Variants in F13A1 observed in about 807,000 individuals in gnomAD.
F13A1 encodes coagulation factor XIII A chain.
Under a neutral mutation model 80.1 loss-of-function variants are expected in F13A1, and 47 were observed. The ratio of observed to expected loss-of-function variants is 0.59; its 90% confidence interval spans 0.46 to 0.75. The LOEUF is 0.75. Ranked by LOEUF, F13A1 falls within the 30% of genes least tolerant of loss-of-function variation. F13A1 has a pLI of 0.00. For synonymous variants in F13A1, 349 were observed against 344.9 expected (o/e 1.01, Z -0.13); for missense variants, 817 against 930.4 (o/e 0.88, Z 1.59).
At chr6:6,182,163 A>C (rs1349429537) in intron 10 of F13A1, 22 bp from the exon 11 acceptor site, 3 of 1,613,364 alleles carry the variant, frequency 1.9e-6, no homozygotes, top group Non-Finnish European at 2.5e-6. Flanking sequence ...AGAGGAGAGC[A>C]TTAGCCATCA....
intron 9 of F13A1, among the ~76,000 whole-genome samples, chr6:6,196,803 G>T (rs946102371): frequency 2.0e-4 from 30 of 152,120 alleles, no homozygotes; most frequent in African/African-American, 6.5e-4. Context: ...AGGAGGCCAG[G>T]TTCTGGAAAA....
At position 6,308,461 on chromosome 6, in the gene F13A1, T is replaced by TAAAA. The variant is rs35426137; in HGVS notation, c.131-2926_131-2923dup. Among the ~76,000 whole-genome samples the TAAAA allele has an allele frequency of 3.1e-3, 442 of 143,764 alleles. 2 individuals carry two copies. The highest frequency in any genetic ancestry group is 0.011 in the African/African-American group (420 of 39,300). The allele number at this position is 143,764 out of a possible 152,430, so 94.3% of individuals were successfully genotyped here. On this transcript the variant is annotated intron_variant, in intron 2 of 14. Transcript: ENST00000264870. ...CATTACTCTAGTTGTGGTTTTTCTG[T>TAAAA]AAAAAAAAAAAAAAGAGACCATTAC...
At chr6:6,167,942 T>C (rs1359910314) in intron 12 of F13A1, among the ~76,000 whole-genome samples, 2 of 152,240 alleles carry the variant, frequency 1.3e-5, no homozygotes, top group African/African-American at 4.8e-5. Context: ...TGGGTTTTAA[T>C]GGTGGCTTTG....
rs3024438 is a variant in F13A1 at position 6,182,028 on chromosome 6, A to G, written c.1419T>C (p.Asp473=). 1.7e-4 allele frequency: 268 copies of G among 1,614,200 alleles called. 1 individual carries two copies. In the African/African-American group the frequency reaches 3.3e-3, roughly 20 times the overall value. ...KLIVTKQIGG[D]GMMDITDTYK... ...AAGTATCAGTAATATCCATCATGCCATCTCCTCCAATTTGTTTGGTCACAA... is the reference window on the plus strand; with the variant it reads ...AAGTATCAGTAATATCCATCATGCCGTCTCCTCCAATTTGTTTGGTCACAA... The change falls in exon 11 of 15, where the codon GAT becomes GAC. Residue 473 remains aspartate, a synonymous_variant. Transcript: ENST00000264870.
At chr6:6,239,784 T>C (rs747113327) in intron 6 of F13A1, among the ~76,000 whole-genome samples, 15 of 152,094 alleles carry the variant, frequency 9.9e-5, no homozygotes, top group Admixed American at 1.3e-4. Flanking sequence ...CACTGCTGCA[T>C]GGTGTAGAGC....
chr6:6,255,744 A>C (rs1005504711), intron 4 of F13A1, among the ~76,000 whole-genome samples: 3 of 152,164 alleles, frequency 2.0e-5, no homozygotes, highest in African/African-American at 7.2e-5. Flanking sequence ...CTTGAATTAA[A>C]TCTCACCTCA....
In F13A1 at chr6:6,314,254, A is replaced by G. The variant is rs558530668; in HGVS notation, c.130+4281T>C. 7.9e-4 allele frequency among the ~76,000 whole-genome samples: 121 copies of G among 152,218 alleles called. 2 individuals carry two copies. The South Asian group carries it at 0.015, about 19-fold the overall frequency. ...CTCGGCCTCCCAAAGTGCTGGGGTT[A>G]CAAGCATGAGCCACCGTGCCCAGCC... On this transcript the variant is annotated intron_variant, in intron 2 of 14. Transcript: ENST00000264870.
At position 6,197,179 on chromosome 6, in the gene F13A1, G is replaced by A. The variant is rs3024481; in HGVS notation, c.1216+44C>T. 8.5e-3 allele frequency: 13,349 copies of A among 1,576,338 alleles called. 128 individuals are homozygous for A. Among genetic ancestry groups the A allele is most frequent in the Middle Eastern group, 0.049 (265 of 5,436 alleles). ...AATGCAAGCATAAAAGCAAAACAAAGATCAGCAATGAAGCAAGTTCCCAGA... is the reference window on the plus strand; with the variant it reads ...AATGCAAGCATAAAAGCAAAACAAAAATCAGCAATGAAGCAAGTTCCCAGA... On this transcript the variant is annotated intron_variant, in intron 9 of 14. Transcript: ENST00000264870.
rs1037649722 is a variant in F13A1 at position 6,258,278 on chromosome 6, A to T, written c.572-7349T>A. 5.3e-5 allele frequency among the ~76,000 whole-genome samples: 8 copies of T among 152,168 alleles called. 2 individuals are homozygous for T. Among genetic ancestry groups the T allele is most frequent in the Admixed American group, 4.6e-4 (7 of 15,270 alleles). ...AACCTGCTTTCTCTCTTGAAATCTG[A>T]GTCTAATAATCGTCTCCTTGCCTCT... On this transcript the variant is annotated intron_variant, in intron 4 of 14. Coordinates refer to ENST00000264870, the MANE Select transcript of F13A1 (RefSeq NM_000129.4).
At chr6:6,147,268 C>T (rs985387062) in intron 14 of F13A1, among the ~76,000 whole-genome samples, 1 of 152,062 alleles carries the variant, frequency 6.6e-6, no homozygotes, top group African/African-American at 2.4e-5. Context: ...ATTCATGTAA[C>T]CAAACACCAA....
intron 3 of F13A1, among the ~76,000 whole-genome samples, chr6:6,300,820 GT>G (rs534147712): frequency 0.039 from 5,740 of 146,790 alleles, 344 homozygotes; most frequent in African/African-American, 0.13. Flanking sequence ...ATTCTCGTCT[GT>G]TTTTTTTTTT....
chr6:6,260,306 TCTC>T, intron 4 of F13A1, among the ~76,000 whole-genome samples: 1 of 152,172 alleles, frequency 6.6e-6, no homozygotes, highest in East Asian at 1.9e-4. Flanking sequence ...AGCTGAGCAT[TCTC>T]CTATCAATAA....
intron 6 of F13A1, among the ~76,000 whole-genome samples, chr6:6,226,571 T>A (rs545634175): frequency 3.7e-4 from 56 of 152,306 alleles, no homozygotes; most frequent in African/African-American, 1.3e-3. Flanking sequence ...CTCAGCCTCA[T>A]CACCTGCCTA....
At chr6:6,252,757 T>C (rs1757650622) in intron 4 of F13A1, among the ~76,000 whole-genome samples, 2 of 152,214 alleles carry the variant, frequency 1.3e-5, no homozygotes, top group Admixed American at 6.5e-5. Context: ...ATATAAATTC[T>C]ACCCAAATTA....
chr6:6,184,225 G>C (rs1363438529), intron 10 of F13A1, among the ~76,000 whole-genome samples: 5 of 152,236 alleles, frequency 3.3e-5, no homozygotes, highest in Non-Finnish European at 7.3e-5. Flanking sequence ...AGACTCAGAA[G>C]GGGGAGGCAA....
At chr6:6,293,005 G>A (rs1156513522) in intron 3 of F13A1, among the ~76,000 whole-genome samples, 1 of 152,210 alleles carries the variant, frequency 6.6e-6, no homozygotes, top group East Asian at 1.9e-4. Context: ...CCTGATAAGT[G>A]GGGTGGGGCA....
At chr6:6,281,856 G>C (rs1302365525) in intron 3 of F13A1, among the ~76,000 whole-genome samples, 1 of 152,050 alleles carries the variant, frequency 6.6e-6, no homozygotes, top group Non-Finnish European at 1.5e-5. Flanking sequence ...AGCCAGGCCT[G>C]GTGGCGGGCG....
In F13A1 at chr6:6,272,357, A is replaced by C. The variant is rs189220207; in HGVS notation, c.320-5548T>G. On this transcript the variant is annotated intron_variant, in intron 3 of 14. Transcript: ENST00000264870. ...TTCCTAATAGAACTGTTCTGACTCC[A>C]CCTCTCTCATGCCTAGGACCTGGAA... Among the ~76,000 whole-genome samples, 141 of 152,158 alleles carry C rather than the reference A, an allele frequency of 9.3e-4. 1 individual carries two copies. Among genetic ancestry groups the C allele is most frequent in the Admixed American group, 2.9e-3 (44 of 15,286 alleles).
At chr6:6,186,816 G>C (rs2151078796) in intron 10 of F13A1, among the ~76,000 whole-genome samples, 1 of 151,322 alleles carries the variant, frequency 6.6e-6, no homozygotes, top group Non-Finnish European at 1.5e-5. Context: ...ACCTTGGGCA[G>C]TATGGCCATT....
Sources: gnomAD v4.1 joint callset for allele counts (sites outside exome capture counted in the v4.1 genomes callset) on GRCh38, gnomAD v4.1.1 for gene constraint, MANE v1.5 for transcripts, NCBI Gene and HGNC (gene_info 2026-07-23, HGNC 2026-07-21) for gene names.